The following DCP1A variants were observed in gnomAD, a reference collection of about 807,000 sequenced individuals.
DCP1A encodes decapping mRNA 1A, also known as mRNA-decapping enzyme 1A.
DCP1A carries 20 observed loss-of-function variants against 58.0 expected under a neutral mutation model. The ratio of observed to expected loss-of-function variants is 0.34; its 90% CI spans 0.24 to 0.50. The LOEUF (loss-of-function observed/expected upper bound fraction) is 0.50. Ranked by LOEUF, DCP1A falls within the 20% of genes least tolerant of loss-of-function variation. The pLI is 0.98. For missense variants in DCP1A, 613 were observed against 712.2 expected (o/e 0.86, Z 1.59); for synonymous variants, 285 against 275.1 (o/e 1.04, Z -0.36).
intron 8 of DCP1A, among the ~76,000 whole-genome samples, chr3:53,289,505 G>T (rs1195906720): frequency 2.6e-5 from 4 of 151,278 alleles, no homozygotes; most frequent in Non-Finnish European, 5.9e-5. Context: ...CCAGCTACTT[G>T]GGACGCTGAA....
chr3:53,332,097 C>T (rs1390680257), intron 3 of DCP1A, among the ~76,000 whole-genome samples: 6 of 151,986 alleles, frequency 3.9e-5, no homozygotes, highest in African/African-American at 1.4e-4. Context: ...AGCATGATTT[C>T]CTCATCACAG....
intron 6 of DCP1A, among the ~76,000 whole-genome samples, chr3:53,299,489 C>G (rs1239167761): frequency 6.6e-6 from 1 of 152,152 alleles, no homozygotes; most frequent in Non-Finnish European, 1.5e-5. Context: ...TAATATGGTT[C>G]ACTCCTCATC....
chr3:53,326,966 G>C (rs1270654148), intron 3 of DCP1A, among the ~76,000 whole-genome samples: 2 of 146,550 alleles, frequency 1.4e-5, no homozygotes, highest in African/African-American at 5.2e-5. Context: ...CCAAATGTTG[G>C]ACATGTCCAA....
In DCP1A at chr3:53,290,873, GAA is replaced by G. The variant is rs782556356; in HGVS notation, c.1384-19_1384-18del. On this transcript the variant is annotated intron_variant, in intron 7 of 9. Coordinates refer to ENST00000610213, the MANE Select transcript of DCP1A (RefSeq NM_018403.7). Reference sequence around the variant, plus strand: ...CTGCATAGACTGAAATGTTTATGAAGAAAAGACAGACGGATATAAGAAGTTTC... The same window carrying G: ...CTGCATAGACTGAAATGTTTATGAAGAAGACAGACGGATATAAGAAGTTTC... 3 of 1,593,650 alleles carry G rather than the reference GAA, an allele frequency of 1.9e-6. No homozygotes were observed. In the East Asian group the frequency reaches 6.8e-5, roughly 36 times the overall value.
At chr3:53,331,780 G>C (rs1405059919) in intron 3 of DCP1A, among the ~76,000 whole-genome samples, 1 of 152,120 alleles carries the variant, frequency 6.6e-6, no homozygotes, top group Non-Finnish European at 1.5e-5. Flanking sequence ...TAAGCACATA[G>C]ATATTAAAAA....
rs1706618722 is a variant in DCP1A, at chr3:53,285,963, C to A, written c.*1617G>T. On this transcript the variant is annotated 3_prime_UTR_variant, in exon 10 of 10. Coordinates refer to ENST00000610213, the MANE Select transcript of DCP1A (RefSeq NM_018403.7). ...CTTATAAGCTTCCCTGAATTCTGCA[C>A]AATTCACACATAATTAGGTAGACAG... is the stretch of plus-strand genomic sequence containing the variant. The A allele has an allele frequency of 6.6e-6, 1 of 152,178 alleles. No individual in the cohort carries two copies. The highest frequency in any genetic ancestry group is 2.1e-4 in the South Asian group (1 of 4,830). 9.4% of individuals were successfully genotyped at this position (152,178 alleles called of 1,614,324 possible). A position where few individuals can be genotyped will look rare whatever the true frequency, so the allele number is the denominator to read the frequency against.
intron 2 of DCP1A, 79 bp from the exon 3 acceptor site, chr3:53,342,350 T>A: frequency 2.7e-6 from 3 of 1,118,556 alleles, no homozygotes; most frequent in Non-Finnish European, 3.8e-6. Flanking sequence ...TACTTTATTT[T>A]CATTTCAAAA....
At chr3:53,304,138 T>C (rs782531504) in intron 6 of DCP1A, 39 bp downstream of exon 6, 8 of 1,470,420 alleles carry the variant, frequency 5.4e-6, no homozygotes, top group Non-Finnish European at 7.6e-6. Context: ...TGTTACTCTT[T>C]GTTACTTAGG....
intron 3 of DCP1A, chr3:53,332,961 TGAA>T (rs2089040244): frequency 6.6e-6 from 1 of 152,194 alleles, no homozygotes; most frequent in Non-Finnish European, 1.5e-5. Context: ...ATTCTTTGGC[TGAA>T]TGGCCTATAT....
chr3:53,328,237 C>A (rs1708165651), intron 3 of DCP1A, among the ~76,000 whole-genome samples: 1 of 152,178 alleles, frequency 6.6e-6, no homozygotes, highest in Non-Finnish European at 1.5e-5. Flanking sequence ...AGGGCCCAGT[C>A]TGGAGGTTTA....
At chr3:53,347,191 T>C (rs2089301829) in intron 1 of DCP1A, among the ~76,000 whole-genome samples, 192 bp downstream of exon 1, 1 of 152,102 alleles carries the variant, frequency 6.6e-6, no homozygotes. Context: ...GAGCCACTTC[T>C]CTCACTCCTA....
intron 3 of DCP1A, among the ~76,000 whole-genome samples, chr3:53,327,012 T>C (rs1210606035): frequency 1.4e-5 from 2 of 147,956 alleles, no homozygotes; most frequent in African/African-American, 5.0e-5. Flanking sequence ...GTCGCTCTAG[T>C]ATCCCACACA....
chr3:53,308,594 C>A (rs1268294501), intron 5 of DCP1A, among the ~76,000 whole-genome samples: 2 of 152,004 alleles, frequency 1.3e-5, no homozygotes, highest in Non-Finnish European at 2.9e-5. Context: ...CTATTTTTTT[C>A]TTTTCTTTTT....
At chr3:53,326,625 T>C (rs1553690595) in intron 3 of DCP1A, among the ~76,000 whole-genome samples, 1 of 152,212 alleles carries the variant, frequency 6.6e-6, no homozygotes, top group Non-Finnish European at 1.5e-5. Context: ...TACTGTGAAC[T>C]GCACATACGA....
intron 5 of DCP1A, among the ~76,000 whole-genome samples, chr3:53,306,990 G>T (rs1553688140): frequency 7.2e-6 from 1 of 139,472 alleles, no homozygotes; most frequent in Non-Finnish European, 1.5e-5. Flanking sequence ...AGGCTGGAGT[G>T]CAGTGGCGCA....
chr3:53,292,021 T>A, intron 7 of DCP1A, 48 bp downstream of exon 7: 2 of 1,544,362 alleles, frequency 1.3e-6, no homozygotes, highest in Non-Finnish European at 1.7e-6. Context: ...TTTCATCCCA[T>A]CCAGTTACAG....
At chr3:53,323,813 G>A (rs1343281150) in intron 3 of DCP1A, among the ~76,000 whole-genome samples, 1 of 140,952 alleles carries the variant, frequency 7.1e-6, no homozygotes. Context: ...AGTGAGCCGA[G>A]ATCGCACCAC....
At chr3:53,299,572 T>C (rs797028359) in intron 6 of DCP1A, among the ~76,000 whole-genome samples, 12 of 152,320 alleles carry the variant, frequency 7.9e-5, no homozygotes, top group African/African-American at 2.9e-4. Flanking sequence ...GGGCACACTA[T>C]AAGATAGGCA....
At position 53,339,889 on chromosome 3, in the gene DCP1A, A is replaced by G. The variant is rs142024822; in HGVS notation, c.304+2255T>C. 9.0e-3 allele frequency among the ~76,000 whole-genome samples: 1,366 copies of G among 152,256 alleles called. 9 individuals are homozygous for G. The highest frequency in any genetic ancestry group is 0.013 in the Non-Finnish European group (868 of 68,022). On this transcript the variant is annotated intron_variant, in intron 3 of 9. Transcript: ENST00000610213. ...TTAAGCCTATTTCACTTAAAAAAAA[A>G]TTGGATCCATATTCATTTGCAGAAT...
Sources: allele counts gnomAD v4.1 joint callset (sites outside exome capture counted in the v4.1 genomes callset), GRCh38; gene constraint gnomAD v4.1.1; transcripts MANE v1.5; gene names NCBI Gene and HGNC (gene_info 2026-07-23, HGNC 2026-07-21).